UTRN: variants seen among roughly 807,000 people sequenced by gnomAD.
The protein encoded by UTRN is dystrophin-related protein 1.
In UTRN, 283 loss-of-function variants were observed where a neutral mutation model predicts 463.9. The ratio of observed to expected loss-of-function variants is 0.61; its 90% CI spans 0.55 to 0.67. UTRN has a LOEUF of 0.67. UTRN is among the 30% of genes least tolerant of loss of function. The probability of loss-of-function intolerance (pLI) is 0.00; values close to 1 mark genes in which losing one functional copy is unlikely to be tolerated. For missense variants in UTRN, 3,922 were observed against 4,084.3 expected (o/e 0.96, Z 1.08); for synonymous variants, 1,442 against 1,431.5 (o/e 1.01, Z -0.17).
At chr6:144,442,765 G>C (rs567566865) in intron 13 of UTRN, among the ~76,000 whole-genome samples, 1 of 152,286 alleles carries the variant, frequency 6.6e-6, no homozygotes, top group Non-Finnish European at 1.5e-5. Flanking sequence ...TGAGAACTGT[G>C]GTAGTTATAA....
At chr6:144,288,762 T>TG (rs1271161455) in intron 1 of UTRN, among the ~76,000 whole-genome samples, 1 of 147,934 alleles carries the variant, frequency 6.8e-6, no homozygotes, top group East Asian at 2.0e-4. Flanking sequence ...CTCTCTTTTT[T>TG]TTTTTTTTTT....
chr6:144,404,104 T>TA (rs1783167577), intron 3 of UTRN, among the ~76,000 whole-genome samples: 1 of 152,178 alleles, frequency 6.6e-6, no homozygotes, highest in South Asian at 2.1e-4. Context: ...CAGCATAGTT[T>TA]AAAAAATGCT....
At chr6:144,542,667 C>A in intron 45 of UTRN, 128 bp from the exon 46 acceptor site, 1 of 874,362 alleles carries the variant, frequency 1.1e-6, no homozygotes, top group Non-Finnish European at 1.7e-6. Context: ...AAGGTAGAGC[C>A]AGAAGTTTAG....
At chr6:144,496,376 A>G (rs1241441739) in intron 33 of UTRN, among the ~76,000 whole-genome samples, 1 of 152,152 alleles carries the variant, frequency 6.6e-6, no homozygotes, top group African/African-American at 2.4e-5. Flanking sequence ...TAGATTGTTG[A>G]TGTGATACAT....
intron 2 of UTRN, among the ~76,000 whole-genome samples, chr6:144,334,766 C>T (rs1396278244): frequency 6.6e-6 from 1 of 152,194 alleles, no homozygotes; most frequent in African/African-American, 2.4e-5. Context: ...TTGCAAGATG[C>T]ATGCTATGGC....
At chr6:144,351,733 G>C (rs556552176) in intron 2 of UTRN, among the ~76,000 whole-genome samples, 10 of 152,218 alleles carry the variant, frequency 6.6e-5, no homozygotes, top group Non-Finnish European at 1.5e-4. Context: ...GAGGTGAACT[G>C]TCATAGTAGT....
At chr6:144,586,288 G>A (rs1225433353) in intron 51 of UTRN, among the ~76,000 whole-genome samples, 1 of 151,982 alleles carries the variant, frequency 6.6e-6, no homozygotes, top group Non-Finnish European at 1.5e-5. Context: ...ACACATTCAC[G>A]TGTATTTTTT....
chr6:144,656,000 C>G (rs559184906), intron 51 of UTRN, among the ~76,000 whole-genome samples: 7 of 151,766 alleles, frequency 4.6e-5, no homozygotes, highest in African/African-American at 1.7e-4. Flanking sequence ...TTCTTGAGTC[C>G]ATTGCTGAGT....
At chr6:144,303,339 T>A (rs981906044) in intron 2 of UTRN, among the ~76,000 whole-genome samples, 1 of 152,242 alleles carries the variant, frequency 6.6e-6, no homozygotes, top group South Asian at 2.1e-4. Context: ...TGGGACTTTT[T>A]AGTAACAGTA....
At chr6:144,836,212 G>A (rs1265506498) in intron 70 of UTRN, 89 bp from the exon 71 acceptor site, 13 of 1,579,526 alleles carry the variant, frequency 8.2e-6, no homozygotes, top group African/African-American at 6.8e-5. Flanking sequence ...AGAGGAACTA[G>A]CATGAGCTAA....
chr6:144,819,154 G>A (rs566567802), intron 65 of UTRN, among the ~76,000 whole-genome samples: 1 of 152,290 alleles, frequency 6.6e-6, no homozygotes, highest in Non-Finnish European at 1.5e-5. Context: ...GCATGGGGCT[G>A]GCACCTTGTT....
intron 45 of UTRN, among the ~76,000 whole-genome samples, chr6:144,542,180 A>G (rs1345825492): frequency 3.3e-5 from 5 of 152,226 alleles, no homozygotes; most frequent in African/African-American, 1.2e-4. Flanking sequence ...AAGAATTGAT[A>G]TAGAAAGATG....
intron 63 of UTRN, among the ~76,000 whole-genome samples, chr6:144,797,101 T>G (rs545174894): frequency 6.6e-6 from 1 of 152,268 alleles, no homozygotes; most frequent in Admixed American, 6.5e-5. Flanking sequence ...CACACAAAAA[T>G]GACAGCTTTT....
intron 53 of UTRN, among the ~76,000 whole-genome samples, chr6:144,724,222 CTTT>C (rs34507977): frequency 9.0e-5 from 7 of 78,150 alleles, no homozygotes; most frequent in African/African-American, 2.3e-4. Context: ...AGATTCATAA[CTTT>C]TTTTTTTTTT....
intron 58 of UTRN, among the ~76,000 whole-genome samples, chr6:144,758,753 A>C (rs2128726645): frequency 6.6e-6 from 1 of 152,244 alleles, no homozygotes; most frequent in South Asian, 2.1e-4. Context: ...TAAAGATATT[A>C]ATTTACAACG....
intron 31 of UTRN, among the ~76,000 whole-genome samples, chr6:144,490,717 G>A (rs966293583): frequency 6.6e-6 from 1 of 152,176 alleles, no homozygotes; most frequent in Non-Finnish European, 1.5e-5. Context: ...GAGACACTGA[G>A]TGTTGTAATT....
intron 51 of UTRN, among the ~76,000 whole-genome samples, chr6:144,596,640 C>G (rs954622262): frequency 6.6e-6 from 1 of 151,958 alleles, no homozygotes; most frequent in Non-Finnish European, 1.5e-5. Context: ...GAAGGTGGTT[C>G]CAAAAATTAA....
chr6:144,524,096 A>T (rs1171555990), intron 41 of UTRN, among the ~76,000 whole-genome samples: 2 of 152,232 alleles, frequency 1.3e-5, no homozygotes, highest in Non-Finnish European at 2.9e-5. Context: ...ACGCACAAAA[A>T]CTAGGCATCA....
At chr6:144,326,835 C>T (rs1040655154) in intron 2 of UTRN, among the ~76,000 whole-genome samples, 3 of 152,074 alleles carry the variant, frequency 2.0e-5, no homozygotes, top group Non-Finnish European at 2.9e-5. Context: ...TTCCCCTATC[C>T]CTGAGGAATC....
Sources: gnomAD v4.1 joint callset for allele counts (sites outside exome capture counted in the v4.1 genomes callset) on GRCh38, gnomAD v4.1.1 for gene constraint, MANE v1.5 for transcripts, NCBI Gene and HGNC (gene_info 2026-07-23, HGNC 2026-07-21) for gene names.